Variants in JADE3 observed in about 807,000 individuals in gnomAD.
JADE3 encodes the protein protein Jade-3.
In JADE3, 2 loss-of-function variants were observed where a neutral mutation model predicts 50.1. The ratio of observed to expected loss-of-function variants is 0.04; its 90% CI spans 0.02 to 0.13. JADE3 has a LOEUF of 0.13. Among genes scored for constraint, JADE3 ranks in the 10% least tolerant of loss-of-function variants. JADE3 has a pLI of 1.00. For missense variants in JADE3, 475 were observed against 634.4 expected, an observed-to-expected ratio of 0.75 and a Z score of 2.70; for synonymous variants, 218 against 232.9, an observed-to-expected ratio of 0.94 and a Z score of 0.58.
In JADE3 at chrX:46,985,731, C is replaced by T; in HGVS notation, c.65C>T (p.Thr22Ile). 8.3e-7 allele frequency: 1 copy of T among 1,199,241 alleles called. No homozygotes were observed. Among genetic ancestry groups the T allele is most frequent in the Non-Finnish European group, 1.1e-6 (1 of 884,960 alleles). The change falls in exon 3 of 11, where the codon ACT becomes ATT. Residue 22 changes from threonine to isoleucine, a missense_variant. By Grantham distance (89) the Thr-to-Ile change is moderately conservative. Around this residue, in one of 6 missense-constraint regions of JADE3, gnomAD observed 31 missense variants for 29.3 expected, o/e 1.06. Coordinates refer to ENST00000614628, the MANE Select transcript of JADE3 (RefSeq NM_014735.5). Reference protein sequence around the residue: ...SSDESPSTSFTSGSMYRIKSK... With the variant: ...SSDESPSTSFISGSMYRIKSK... ...TTCACAGGTCCTTCCACTTCCTTTA[C>T]TTCTGGCTCAATGTATAGGATCAAG... is the stretch of plus-strand genomic sequence containing the variant.
Position 46,943,535 on chromosome X carries a change from T to G in JADE3, c.-12+30816T>G, listed in dbSNP as rs782407248. On this transcript the variant is annotated intron_variant, in intron 1 of 10. Coordinates refer to ENST00000614628, the MANE Select transcript of JADE3 (RefSeq NM_014735.5). ...ATCACATTTATTGAATTGCATATGTTGAACTAACCTAGTATCCCAGGAATA... is the reference window on the plus strand; with the variant it reads ...ATCACATTTATTGAATTGCATATGTGGAACTAACCTAGTATCCCAGGAATA... Among the ~76,000 whole-genome samples, 3 of 112,604 alleles carry G rather than the reference T, an allele frequency of 2.7e-5. No homozygotes were observed. In the South Asian group the frequency reaches 1.1e-3, roughly 41 times the overall value.
rs1324060619 is a variant in JADE3, at chrX:47,060,246, G to C, written c.*1169G>C. 2 of 101,074 alleles carry C rather than the reference G, an allele frequency of 2.0e-5. No individual in the cohort carries two copies. The highest frequency in any genetic ancestry group is 7.1e-5 in the African/African-American group (2 of 28,205). The allele number at this position is 101,074 out of a possible 1,213,427, so 8.3% of individuals were successfully genotyped here. A position where few individuals can be genotyped will look rare whatever the true frequency, so the allele number is the denominator to read the frequency against. On this transcript the variant is annotated 3_prime_UTR_variant, in exon 11 of 11. Coordinates refer to ENST00000614628, the MANE Select transcript of JADE3 (RefSeq NM_014735.5). ...AGAATAATTACATTTGCGGGGGGGGGGGTGGATAAAAACATGTCTGCTTCT... is the reference window on the plus strand; with the variant it reads ...AGAATAATTACATTTGCGGGGGGGGCGGTGGATAAAAACATGTCTGCTTCT...
intron 8 of JADE3, among the ~76,000 whole-genome samples, chrX:47,052,220 A>G (rs1310835566): frequency 9.7e-6 from 1 of 102,879 alleles, no homozygotes; most frequent in East Asian, 3.0e-4. Context: ...GCCCCCCCCT[A>G]TGAATAGTCA....
chrX:47,005,046 A>G (rs1415207331), intron 4 of JADE3, among the ~76,000 whole-genome samples: 1 of 111,552 alleles, frequency 9.0e-6, no homozygotes, highest in Non-Finnish European at 1.9e-5. Flanking sequence ...CAGAACAGCT[A>G]GAGTCCTTGA....
intron 1 of JADE3, among the ~76,000 whole-genome samples, chrX:46,981,016 G>A (rs1927738710): frequency 9.0e-6 from 1 of 110,777 alleles, no homozygotes; most frequent in East Asian, 2.8e-4. Context: ...CTTGAAGATG[G>A]AAGAAGACAG....
chrX:46,941,904 AT>A (rs782732065), intron 1 of JADE3, among the ~76,000 whole-genome samples: 2,757 of 92,244 alleles, frequency 0.03, 126 homozygotes, highest in African/African-American at 0.1. Flanking sequence ...TGCCTGGCTA[AT>A]TTTTTTTTTT....
chrX:47,004,724 C>T, intron 4 of JADE3, among the ~76,000 whole-genome samples: 1 of 112,870 alleles, frequency 8.9e-6, no homozygotes, highest in Non-Finnish European at 1.9e-5. Flanking sequence ...TGAGCCACTG[C>T]ACATGGCAAA....
Position 47,031,692 on chromosome X carries a change from T to G in JADE3, c.688-1929T>G, listed in dbSNP as rs186882371. On this transcript the variant is annotated intron_variant, in intron 6 of 10. Coordinates refer to ENST00000614628, the MANE Select transcript of JADE3 (RefSeq NM_014735.5). ...ATTTTGAGAGTAGCCTGGGCAGTAT[T>G]GCAAAACCTCGTCTCTACAAAAATT... Among the ~76,000 whole-genome samples the G allele has an allele frequency of 5.2e-3, 571 of 110,022 alleles. 2 individuals carry two copies. The highest frequency in any genetic ancestry group is 0.025 in the South Asian group (63 of 2,542).
chrX:46,967,753 A>G (rs781907203), intron 1 of JADE3, among the ~76,000 whole-genome samples: 1 of 111,966 alleles, frequency 8.9e-6, no homozygotes, highest in South Asian at 3.7e-4. Flanking sequence ...CTCACTCATC[A>G]TTGCTTTTAC....
chrX:46,995,814 C>G (rs1928115901), intron 3 of JADE3, among the ~76,000 whole-genome samples: 1 of 111,483 alleles, frequency 9.0e-6, no homozygotes, highest in Admixed American at 9.6e-5. Flanking sequence ...GGCAGCCTCT[C>G]ACACTCTGCC....
At chrX:46,918,480 A>G (rs781823743) in intron 1 of JADE3, among the ~76,000 whole-genome samples, 3 of 112,475 alleles carry the variant, frequency 2.7e-5, no homozygotes, top group Non-Finnish European at 5.6e-5. Flanking sequence ...TCCAGGTACT[A>G]GAAGTTTTTC....
intron 1 of JADE3, among the ~76,000 whole-genome samples, chrX:46,940,665 C>G (rs1016949745): frequency 1.8e-5 from 2 of 111,038 alleles, no homozygotes; most frequent in Non-Finnish European, 3.8e-5. Flanking sequence ...TTGTCCCTTA[C>G]CCCTATAGAG....
At chrX:47,009,616 C>CT (rs782210510) in intron 4 of JADE3, among the ~76,000 whole-genome samples, 142 of 99,694 alleles carry the variant, frequency 1.4e-3, no homozygotes, top group Non-Finnish European at 1.7e-3. Context: ...GCATTCCTTT[C>CT]TTTTTTTTTT....
intron 1 of JADE3, among the ~76,000 whole-genome samples, chrX:46,951,430 T>C (rs1556345017): frequency 1.9e-5 from 2 of 106,189 alleles, no homozygotes; most frequent in Non-Finnish European, 3.9e-5. Context: ...CTACTAAAAA[T>C]ACAAAAATTA....
At chrX:46,995,010 A>G (rs1483941144) in intron 3 of JADE3, among the ~76,000 whole-genome samples, 2 of 110,125 alleles carry the variant, frequency 1.8e-5, no homozygotes, top group African/African-American at 6.6e-5. Context: ...GGTCTGTCCC[A>G]GACCCATATT....
chrX:46,963,618 T>C (rs1338026180), intron 1 of JADE3, among the ~76,000 whole-genome samples: 2 of 112,203 alleles, frequency 1.8e-5, no homozygotes. Flanking sequence ...CCCTTATGCC[T>C]ATGGTCAACT....
intron 4 of JADE3, among the ~76,000 whole-genome samples, chrX:47,012,791 G>A (rs1186178577): frequency 4.5e-5 from 5 of 110,003 alleles, no homozygotes; most frequent in African/African-American, 1.7e-4. Context: ...ATTCATTTTT[G>A]TATCTGGCTT....
At chrX:46,959,378 A>C (rs1927206312) in intron 1 of JADE3, among the ~76,000 whole-genome samples, 1 of 112,285 alleles carries the variant, frequency 8.9e-6, no homozygotes, top group African/African-American at 3.2e-5. Context: ...GTGTTGGGGA[A>C]GGGGAGTGAG....
chrX:47,025,925 T>G (rs1300598487), intron 5 of JADE3, among the ~76,000 whole-genome samples: 2 of 111,897 alleles, frequency 1.8e-5, no homozygotes, highest in African/African-American at 6.5e-5. Flanking sequence ...TGAATGCACA[T>G]GAATAAAAAA....
Sources: allele counts gnomAD v4.1 joint callset (sites outside exome capture counted in the v4.1 genomes callset), GRCh38; gene constraint gnomAD v4.1.1; regional missense constraint gnomAD v4.1.1; transcripts MANE v1.5; gene names NCBI Gene and HGNC (gene_info 2026-07-23, HGNC 2026-07-21).